TBXAS1: variants seen among roughly 807,000 people sequenced by gnomAD.
The protein encoded by TBXAS1 is thromboxane-A synthase.
A neutral mutation model predicts 60.7 loss-of-function variants in TBXAS1; 48 were observed. That is an observed-to-expected ratio of 0.79 (90% CI 0.63 to 1.01). TBXAS1 has a LOEUF of 1.01. TBXAS1 is among the 50% of genes least tolerant of loss of function. The probability of loss-of-function intolerance (pLI) is 0.00; values close to 1 mark genes in which losing one functional copy is unlikely to be tolerated. For synonymous variants in TBXAS1, 287 were observed against 269.7 expected (o/e 1.06, Z -0.63); for missense variants, 685 against 686.3 (o/e 1.00, Z 0.02).
chr7:139,839,762 C>T (rs938113999), intron 1 of TBXAS1, among the ~76,000 whole-genome samples: 3 of 148,888 alleles, frequency 2.0e-5, no homozygotes, highest in Admixed American at 6.7e-5. Flanking sequence ...AGGCTGAGGT[C>T]GGAGGATCTC....
intron 5 of TBXAS1, among the ~76,000 whole-genome samples, chr7:139,952,008 AAG>A: frequency 6.8e-6 from 1 of 146,834 alleles, no homozygotes; most frequent in East Asian, 2.0e-4. Context: ...GAAAGAAAGA[AAG>A]AAAAAGAAAG....
chr7:139,911,163 CTT>C, intron 3 of TBXAS1, 60 bp from the exon 4 acceptor site: 1 of 1,474,850 alleles, frequency 6.8e-7, no homozygotes, highest in Non-Finnish European at 9.5e-7. Context: ...ACCGTGAACT[CTT>C]TTTTGGAAAG....
chr7:139,830,017 T>A (rs1300390690), intron 1 of TBXAS1, among the ~76,000 whole-genome samples: 1 of 152,194 alleles, frequency 6.6e-6, no homozygotes, highest in Non-Finnish European at 1.5e-5. Context: ...TGGATTCTGA[T>A]GAACATAGTG....
intron 5 of TBXAS1, among the ~76,000 whole-genome samples, chr7:139,938,088 T>G (rs1481292579): frequency 6.6e-6 from 1 of 152,184 alleles, no homozygotes; most frequent in Admixed American, 6.5e-5. Flanking sequence ...CACATGGGCT[T>G]GCTATGCTAA....
rs569853959 is a variant in TBXAS1, at chr7:139,833,852, A to C, written c.89+4373A>C. ...TAAGAAATGTGGTAGACAGCAACAC[A>C]ATAATAGTGGCAGATTTCAATATTC... On this transcript the variant is annotated intron_variant, in intron 1 of 12. Transcript: ENST00000448866. Among the ~76,000 whole-genome samples the C allele has an allele frequency of 1.0e-3, 159 of 152,358 alleles. 1 individual carries two copies. The highest frequency in any genetic ancestry group is 1.9e-3 in the Non-Finnish European group (127 of 68,030).
At chr7:140,019,946 T>C (rs1815418126) in intron 12 of TBXAS1, 79 bp from the exon 13 acceptor site, 9 of 1,429,716 alleles carry the variant, frequency 6.3e-6, no homozygotes, top group Non-Finnish European at 8.8e-6. Context: ...GACTTGGCCT[T>C]CTTGAACCTC....
intron 9 of TBXAS1, among the ~76,000 whole-genome samples, chr7:139,990,649 C>T (rs917614514): frequency 6.6e-6 from 1 of 152,100 alleles, no homozygotes; most frequent in Non-Finnish European, 1.5e-5. Context: ...CCTCTCGGGG[C>T]CGCTCTGGTG....
chr7:139,941,616 T>TTTG (rs1441414811), intron 5 of TBXAS1, among the ~76,000 whole-genome samples: 2 of 152,286 alleles, frequency 1.3e-5, no homozygotes, highest in African/African-American at 2.4e-5. Context: ...CAACTGACTT[T>TTTG]TTGTTGTTGT....
At chr7:139,799,007 G>A (rs6949027) in intron 4 of TBXAS1, among the ~76,000 whole-genome samples, 7 of 151,020 alleles carry the variant, frequency 4.6e-5, no homozygotes, top group African/African-American at 9.8e-5. Flanking sequence ...TCCACCTGCC[G>A]TCAGACATTA....
At chr7:139,843,528 A>G (rs1799607076) in intron 1 of TBXAS1, among the ~76,000 whole-genome samples, 1 of 152,054 alleles carries the variant, frequency 6.6e-6, no homozygotes, top group South Asian at 2.1e-4. Flanking sequence ...TCTTTAGTAG[A>G]GGTGGGGTTT....
At chr7:139,938,791 G>GT (rs1383816041) in intron 5 of TBXAS1, among the ~76,000 whole-genome samples, 1 of 152,152 alleles carries the variant, frequency 6.6e-6, no homozygotes, top group Admixed American at 6.5e-5. Flanking sequence ...TTGGTAAAGA[G>GT]TATCTGAGAA....
At chr7:139,908,726 GAGA>G (rs1805295558) in intron 3 of TBXAS1, among the ~76,000 whole-genome samples, 1 of 152,114 alleles carries the variant, frequency 6.6e-6, no homozygotes, top group Admixed American at 6.5e-5. Flanking sequence ...AGAGACTCCT[GAGA>G]AGGATAGTCT....
At chr7:139,963,970 G>A (rs1810574621) in intron 9 of TBXAS1, among the ~76,000 whole-genome samples, 1 of 152,128 alleles carries the variant, frequency 6.6e-6, no homozygotes, top group South Asian at 2.1e-4. Context: ...AAGAGTGTCT[G>A]GGACTCCATA....
intron 9 of TBXAS1, among the ~76,000 whole-genome samples, chr7:139,988,846 G>C (rs75690999): frequency 0.056 from 8,545 of 152,276 alleles, 271 homozygotes; most frequent in African/African-American, 0.084. Context: ...CGAGGACAAG[G>C]AGCAGGCATC....
chr7:139,906,246 G>A (rs1378385472), intron 3 of TBXAS1: 2 of 175,184 alleles, frequency 1.1e-5, no homozygotes, highest in Non-Finnish European at 2.5e-5. Flanking sequence ...TAGTACAGAT[G>A]GGGTTTACCA....
intron 4 of TBXAS1, chr7:139,913,518 C>T (rs1028455154): frequency 8.3e-6 from 2 of 240,616 alleles, no homozygotes; most frequent in Non-Finnish European, 1.7e-5. Flanking sequence ...GATACCAGGA[C>T]ATGTGACCCT....
intron 3 of TBXAS1, among the ~76,000 whole-genome samples, chr7:139,899,380 G>A (rs1569510574): frequency 6.6e-6 from 1 of 152,182 alleles, no homozygotes; most frequent in Non-Finnish European, 1.5e-5. Flanking sequence ...ACAAGGCCAG[G>A]CAGCCCCCAG....
intron 9 of TBXAS1, among the ~76,000 whole-genome samples, chr7:139,984,801 AG>A (rs984697450): frequency 2.0e-5 from 3 of 148,884 alleles, no homozygotes; most frequent in Admixed American, 6.7e-5. Context: ...AAGAAAGGGA[AG>A]GGGGAAAGAA....
chr7:139,884,230 C>A (rs989500564), intron 3 of TBXAS1, among the ~76,000 whole-genome samples: 1 of 152,238 alleles, frequency 6.6e-6, no homozygotes, highest in Non-Finnish European at 1.5e-5. Flanking sequence ...AGGCTGGGCA[C>A]CTCCCACCCA....
Sources: allele counts gnomAD v4.1 joint callset (sites outside exome capture counted in the v4.1 genomes callset), GRCh38; gene constraint gnomAD v4.1.1; transcripts MANE v1.5; gene names NCBI Gene and HGNC (gene_info 2026-07-23, HGNC 2026-07-21).